The following RFX4 variants were observed in gnomAD, a reference collection of about 807,000 sequenced individuals.
RFX4 encodes the protein regulatory factor X4.
RFX4 carries 10 observed loss-of-function variants against 95.0 expected under a neutral mutation model. That is an observed-to-expected ratio of 0.11 (90% confidence interval 0.06 to 0.18). RFX4 has a LOEUF of 0.18. Ranked by LOEUF, RFX4 falls within the 10% of genes least tolerant of loss-of-function variation. The pLI is 1.00. For synonymous variants in RFX4, 321 were observed against 340.7 expected (o/e 0.94, Z 0.64); for missense variants, 640 against 922.0 (o/e 0.69, Z 3.96).
chr12:106,631,945 A>C (rs2040423331), intron 2 of RFX4, among the ~76,000 whole-genome samples: 1 of 152,216 alleles, frequency 6.6e-6, no homozygotes. Flanking sequence ...AGCAGGGAAC[A>C]CTTAGATAGC....
intron 17 of RFX4, among the ~76,000 whole-genome samples, chr12:106,757,048 G>C (rs1490300988): frequency 6.6e-6 from 1 of 152,090 alleles, no homozygotes; most frequent in Non-Finnish European, 1.5e-5. Flanking sequence ...CCCTTCTCTT[G>C]ACCTTAATTA....
chr12:106,652,014 G>A lies in RFX4; in HGVS notation c.192-2214G>A, dbSNP rs932012199. ...CACTTTTATAGAGAAACAATGCCGC[G>A]AATGGCAGTTAGGGGTCCAGGCTAA... On this transcript the variant is annotated intron_variant, in intron 3 of 17. Transcript: ENST00000392842. Among the ~76,000 whole-genome samples, 5 of 152,290 alleles carry A rather than the reference G, an allele frequency of 3.3e-5. 1 individual carries two copies. Among genetic ancestry groups the A allele is most frequent in the Admixed American group, 3.3e-4 (5 of 15,302 alleles).
chr12:106,725,464 A>G (rs745921525), intron 13 of RFX4, among the ~76,000 whole-genome samples: 3 of 152,280 alleles, frequency 2.0e-5, no homozygotes, highest in Non-Finnish European at 4.4e-5. Flanking sequence ...AAAGTTAAAA[A>G]TAAGTTCTAG....
At chr12:106,738,439 C>A (rs556817392) in intron 15 of RFX4, among the ~76,000 whole-genome samples, 4 of 152,232 alleles carry the variant, frequency 2.6e-5, no homozygotes, top group African/African-American at 9.6e-5. Context: ...TTCTTTGAAG[C>A]AATGTGGAGG....
intron 17 of RFX4, among the ~76,000 whole-genome samples, chr12:106,760,841 C>T (rs147359126): frequency 1.3e-3 from 197 of 152,280 alleles, no homozygotes; most frequent in Non-Finnish European, 2.4e-3. Flanking sequence ...TTTATCTGGA[C>T]ATGCAGTTAC....
chr12:106,623,109 G>T (rs2040218690), intron 2 of RFX4, among the ~76,000 whole-genome samples: 1 of 148,930 alleles, frequency 6.7e-6, no homozygotes, highest in East Asian at 2.0e-4. Context: ...CATGAAATCG[G>T]CTCACTGCAA....
At chr12:106,698,792 T>G (rs556719153) in intron 8 of RFX4, among the ~76,000 whole-genome samples, 1 of 152,196 alleles carries the variant, frequency 6.6e-6, no homozygotes, top group South Asian at 2.1e-4. Flanking sequence ...ATGTAGGTAA[T>G]TTGTGTTTTC....
intron 1 of RFX4, among the ~76,000 whole-genome samples, chr12:106,599,176 T>A: frequency 6.8e-6 from 1 of 148,044 alleles, no homozygotes. Context: ...TTTTTTTTCC[T>A]CCTCGTTGTT....
chr12:106,616,600 G>A (rs1290277975), intron 2 of RFX4, among the ~76,000 whole-genome samples: 1 of 151,952 alleles, frequency 6.6e-6, no homozygotes, highest in Non-Finnish European at 1.5e-5. Context: ...TTTTCTTTGA[G>A]GGAAAGTTTT....
chr12:106,642,841 C>T (rs1004481980), intron 3 of RFX4, among the ~76,000 whole-genome samples: 2 of 152,148 alleles, frequency 1.3e-5, no homozygotes, highest in African/African-American at 4.8e-5. Flanking sequence ...GTGGAGAGAA[C>T]AGCTTCTACA....
At chr12:106,660,602 A>G (rs1330489134) in intron 4 of RFX4, among the ~76,000 whole-genome samples, 1 of 152,164 alleles carries the variant, frequency 6.6e-6, no homozygotes, top group Non-Finnish European at 1.5e-5. Flanking sequence ...GAACATCTCT[A>G]GCCTACAAAT....
At chr12:106,684,931 G>C (rs376202166) in intron 5 of RFX4, 8 of 1,613,286 alleles carry the variant, frequency 5.0e-6, no homozygotes, top group Non-Finnish European at 5.1e-6. Context: ...AAGGAGGGTT[G>C]GGGAGAGGGA....
intron 6 of RFX4, among the ~76,000 whole-genome samples, chr12:106,688,806 A>T (rs2041719412): frequency 6.6e-6 from 1 of 152,126 alleles, no homozygotes; most frequent in African/African-American, 2.4e-5. Context: ...ATTGCAGAGA[A>T]TTTCCAAATG....
intron 13 of RFX4, among the ~76,000 whole-genome samples, chr12:106,730,515 C>T (rs529175287): frequency 2.0e-4 from 31 of 152,256 alleles, no homozygotes; most frequent in African/African-American, 7.2e-4. Context: ...ATTTCCTCAT[C>T]GGTAAGGGAG....
At chr12:106,710,559 G>T (rs935172655) in intron 9 of RFX4, among the ~76,000 whole-genome samples, 2 of 152,088 alleles carry the variant, frequency 1.3e-5, no homozygotes, top group Non-Finnish European at 2.9e-5. Flanking sequence ...GGAAATTTCT[G>T]ACTATTACTT....
At position 106,733,035 on chromosome 12, in the gene RFX4, C is replaced by T. The variant is rs774811149; in HGVS notation, c.1583C>T (p.Ser528Phe). The change falls in exon 15 of 18, where the codon TCT (serine) becomes TTT (phenylalanine). Residue 528 changes from serine to phenylalanine, a missense_variant. Around this residue, in one of 7 missense-constraint regions of RFX4, gnomAD observed 300 missense variants for 346.8 expected, o/e 0.87. Coordinates refer to ENST00000392842, the MANE Select transcript of RFX4 (RefSeq NM_213594.3). ...ACATCTGTGGAAGTGCCACCTCCCT[C>T]TTCCCCTGTTAGCAATCCTTCCCCT... ...SATSVEVPPP[S>F]SPVSNPSPEY... The T allele has an allele frequency of 6.2e-7, 1 of 1,614,206 alleles. No individual in the cohort carries two copies.
chr12:106,598,438 A>G (rs1365441539), intron 1 of RFX4, among the ~76,000 whole-genome samples: 1 of 152,014 alleles, frequency 6.6e-6, no homozygotes. Context: ...TCTTACGTGC[A>G]CTTATAGATA....
At chr12:106,676,266 G>T (rs895894721) in intron 4 of RFX4, among the ~76,000 whole-genome samples, 1 of 152,146 alleles carries the variant, frequency 6.6e-6, no homozygotes, top group South Asian at 2.1e-4. Flanking sequence ...GAGGGAGAGA[G>T]AGTTTAAGGT....
chr12:106,586,259 C>T lies in RFX4; in HGVS notation c.43+2896C>T, dbSNP rs1039542375. ...AAGCGCAGGCGCGCGTCCCGCTCGGCCCGCGCTACAGCCCCACGCCGCGCA... is the reference window on the plus strand; with the variant it reads ...AAGCGCAGGCGCGCGTCCCGCTCGGTCCGCGCTACAGCCCCACGCCGCGCA... On this transcript the variant is annotated intron_variant, in intron 1 of 17. Transcript: ENST00000392842. The surrounding 1 kb of genome is among the most constrained non-coding windows in gnomAD (Gnocchi z 5.6). Among the ~76,000 whole-genome samples the T allele has an allele frequency of 2.6e-5, 4 of 152,204 alleles. No individual in the cohort carries two copies. Among genetic ancestry groups the T allele is most frequent in the East Asian group, 1.9e-4 (1 of 5,136 alleles).
Sources: gnomAD v4.1 joint callset for allele counts (sites outside exome capture counted in the v4.1 genomes callset) on GRCh38, gnomAD v4.1.1 for gene constraint, gnomAD v4.1.1 regional missense constraint, Gnocchi (gnomAD v3.1) non-coding constraint, MANE v1.5 for transcripts, NCBI Gene and HGNC (gene_info 2026-07-23, HGNC 2026-07-21) for gene names.